The following COL13A1 variants were observed in gnomAD, a reference collection of about 807,000 sequenced individuals.
COL13A1 encodes collagen alpha-1(XIII) chain.
Under a neutral mutation model 130.9 loss-of-function variants are expected in COL13A1, and 89 were observed. The observed-to-expected ratio is 0.68, with a 90% CI of 0.57 to 0.81. The LOEUF (loss-of-function observed/expected upper bound fraction) is 0.81. Ranked by LOEUF, COL13A1 falls within the 30% of genes least tolerant of loss-of-function variation. COL13A1 has a pLI of 0.00. For synonymous variants in COL13A1, 402 were observed against 341.6 expected (o/e 1.18, Z -1.95); for missense variants, 879 against 934.6 (o/e 0.94, Z 0.78).
In COL13A1 at chr10:69,923,823, C is replaced by G; in HGVS notation, c.1252C>G (p.Gln418Glu). 14 of 1,611,790 alleles carry G rather than the reference C, an allele frequency of 8.7e-6. No individual in the cohort carries two copies. Among genetic ancestry groups the G allele is most frequent in the Non-Finnish European group, 1.2e-5 (14 of 1,179,170 alleles). The change falls in exon 24 of 41, where the codon CAG becomes GAG. Residue 418 changes from glutamine to glutamate, a missense_variant. By Grantham distance (29) the Gln-to-Glu change is conservative. Coordinates refer to ENST00000645393, the MANE Select transcript of COL13A1 (RefSeq NM_001368882.1). The part of the protein sequence containing the change: ...GPKGEAGVDG[Q>E]VGPPGQPGDK... The stretch of plus-strand genomic sequence containing the variant: ...CCAGGGAGAAGCAGGTGTCGATGGC[C>G]AGGTTGGCCCCCCAGGGCAGCCAGG...
intron 1 of COL13A1, among the ~76,000 whole-genome samples, chr10:69,804,809 C>CAAAAAAAAAAAA (rs57098368): frequency 5.3e-4 from 40 of 75,386 alleles, no homozygotes; most frequent in Non-Finnish European, 6.1e-4. Flanking sequence ...ATGTCGTGTG[C>CAAAAAAAAAAAA]AAAAAAAAAA....
intron 13 of COL13A1, among the ~76,000 whole-genome samples, chr10:69,897,795 A>G (rs933145975): frequency 1.3e-5 from 2 of 152,194 alleles, no homozygotes; most frequent in Non-Finnish European, 2.9e-5. Flanking sequence ...GCTTTCAAAA[A>G]CAAGCAGCTG....
chr10:69,803,049 G>C (rs556889214), intron 1 of COL13A1, among the ~76,000 whole-genome samples: 5 of 152,316 alleles, frequency 3.3e-5, no homozygotes, highest in Middle Eastern at 3.4e-3. Flanking sequence ...CTCCCTTTCG[G>C]GACCCGGCCA....
intron 38 of COL13A1, among the ~76,000 whole-genome samples, chr10:69,950,352 C>T (rs1322733648): frequency 6.6e-6 from 1 of 152,178 alleles, no homozygotes; most frequent in East Asian, 1.9e-4. Context: ...CTCTAATAGC[C>T]TCAAAGGACA....
intron 4 of COL13A1, 115 bp from the exon 5 acceptor site, chr10:69,875,013 G>T (rs1240260203): frequency 7.9e-6 from 10 of 1,273,068 alleles, no homozygotes; most frequent in Non-Finnish European, 1.1e-5. Context: ...TGTCGTCCCC[G>T]CTGCAAACTG....
intron 1 of COL13A1, among the ~76,000 whole-genome samples, chr10:69,805,032 C>G (rs927406475): frequency 6.6e-6 from 1 of 152,012 alleles, no homozygotes. Context: ...AACGGAACAG[C>G]CTTTGAGGCT....
intron 34 of COL13A1, among the ~76,000 whole-genome samples, chr10:69,940,535 G>A (rs1298991951): frequency 6.6e-6 from 1 of 152,196 alleles, no homozygotes; most frequent in African/African-American, 2.4e-5. Flanking sequence ...AAACAGGAAT[G>A]CAAAGAGGCT....
At position 69,844,103 on chromosome 10, in the gene COL13A1, C is replaced by T. The variant is rs77196670; in HGVS notation, c.364+21665C>T. 1.6e-4 allele frequency among the ~76,000 whole-genome samples: 24 copies of T among 152,256 alleles called. No individual in the cohort carries two copies. The East Asian group carries it at 2.9e-3, about 18-fold the overall frequency. ...AGCCCTGAGGGCTTCCCGGAAGAGG[C>T]GGCATTTGCTCTAGGTCTTGAAGGA... On this transcript the variant is annotated intron_variant, in intron 2 of 40. Transcript: ENST00000645393.
In COL13A1 at chr10:69,872,188, C is replaced by T; in HGVS notation, c.377C>T (p.Pro126Leu). Residue 126 changes from proline to leucine, a missense_variant, in exon 4 of 41, where the codon CCC (proline) becomes CTC (leucine). By Grantham distance (98) the Pro-to-Leu change is moderately conservative (BLOSUM62 -3). This residue lies in a region of COL13A1 where 715 missense variants were observed against 721.0 expected (regional missense o/e 0.99). Coordinates refer to ENST00000645393, the MANE Select transcript of COL13A1 (RefSeq NM_001368882.1). Reference sequence around the variant, plus strand: ...AAACGTCACTCTTCATTTCAGGGTCCCACTGGAAGACCCGGACTCCCAGTA... The same window carrying T: ...AAACGTCACTCTTCATTTCAGGGTCTCACTGGAAGACCCGGACTCCCAGTA... ...GCNCPPGPPG[P>L]TGRPGLPGDK... 1 of 1,614,038 alleles carries T rather than the reference C, an allele frequency of 6.2e-7. No homozygotes were observed. The highest frequency in any genetic ancestry group is 8.5e-7 in the Non-Finnish European group (1 of 1,179,896).
intron 2 of COL13A1, 22 bp downstream of exon 2, chr10:69,822,460 T>C: frequency 6.4e-7 from 1 of 1,559,210 alleles, no homozygotes. Flanking sequence ...TGCAAATAGG[T>C]GACCGCGGAT....
chr10:69,863,624 G>A lies in COL13A1; in HGVS notation c.365-4174G>A, dbSNP rs1006469194. 3.9e-5 allele frequency among the ~76,000 whole-genome samples: 6 copies of A among 152,310 alleles called. No homozygotes were observed. In the East Asian group the frequency reaches 1.2e-3, roughly 29 times the overall value. On this transcript the variant is annotated intron_variant, in intron 2 of 40. Transcript: ENST00000645393. ...TGGGTGGCACCAAGTCCAGGGTCGA[G>A]GGGGAGGGGACTTACCTGACCACTT...
intron 35 of COL13A1, 129 bp from the exon 36 acceptor site, chr10:69,943,996 G>A (rs1290809498): frequency 5.6e-6 from 4 of 717,914 alleles, no homozygotes; most frequent in Non-Finnish European, 9.8e-6. Flanking sequence ...TGACTGCCCT[G>A]AACGAGCCTG....
intron 21 of COL13A1, among the ~76,000 whole-genome samples, chr10:69,920,108 G>T (rs1420314864): frequency 2.0e-5 from 3 of 152,178 alleles, no homozygotes; most frequent in Non-Finnish European, 4.4e-5. Context: ...CACTGCCAGG[G>T]CCTCTGCCTG....
At chr10:69,875,038 T>A in intron 4 of COL13A1, 90 bp from the exon 5 acceptor site, 1 of 1,544,638 alleles carries the variant, frequency 6.5e-7, no homozygotes, top group Non-Finnish European at 8.9e-7. Flanking sequence ...AGCTGTGCCC[T>A]AAATCAGGTG....
intron 13 of COL13A1, among the ~76,000 whole-genome samples, chr10:69,895,987 TA>T (rs747250890): frequency 6.6e-6 from 1 of 151,970 alleles, no homozygotes; most frequent in African/African-American, 2.4e-5. Flanking sequence ...TGTGTGGCGG[TA>T]GGGGGGTGGT....
At chr10:69,952,555 ACT>A (rs1200224939) in intron 38 of COL13A1, among the ~76,000 whole-genome samples, 1 of 152,234 alleles carries the variant, frequency 6.6e-6, no homozygotes, top group Non-Finnish European at 1.5e-5. Flanking sequence ...GTCCCTAGCC[ACT>A]GTGTTCAGCA....
At chr10:69,894,459 T>C in intron 10 of COL13A1, 93 bp from the exon 11 acceptor site, 1 of 1,483,030 alleles carries the variant, frequency 6.7e-7, no homozygotes, top group Non-Finnish European at 9.3e-7. Context: ...GAGCCCAGCC[T>C]TCGGGATTCA....
intron 31 of COL13A1, among the ~76,000 whole-genome samples, chr10:69,933,040 G>A (rs2066336013): frequency 6.7e-6 from 1 of 149,530 alleles, no homozygotes; most frequent in Admixed American, 6.8e-5. Flanking sequence ...GGAGGCTGAG[G>A]CAGGAGAATC....
At chr10:69,841,009 G>T (rs981225958) in intron 2 of COL13A1, among the ~76,000 whole-genome samples, 1 of 151,888 alleles carries the variant, frequency 6.6e-6, no homozygotes, top group Non-Finnish European at 1.5e-5. Flanking sequence ...CTGCAGTGGC[G>T]CCAGTGCCTT....
Sources: allele counts gnomAD v4.1 joint callset (sites outside exome capture counted in the v4.1 genomes callset), GRCh38; gene constraint gnomAD v4.1.1; regional missense constraint gnomAD v4.1.1; transcripts MANE v1.5; gene names NCBI Gene and HGNC (gene_info 2026-07-23, HGNC 2026-07-21).